Variants in ACE observed in about 807,000 individuals in gnomAD.
The protein encoded by ACE is angiotensin I converting enzyme.
A neutral mutation model predicts 162.3 loss-of-function variants in ACE; 122 were observed. The observed-to-expected ratio is 0.75, with a 90% CI of 0.65 to 0.87. ACE has a LOEUF of 0.87. Among genes scored for constraint, ACE ranks in the 40% least tolerant of loss-of-function variants. The probability of loss-of-function intolerance (pLI) is 0.00; values close to 1 mark genes in which losing one functional copy is unlikely to be tolerated. For synonymous variants in ACE, 796 were observed against 720.6 expected (o/e 1.10, Z -1.68); for missense variants, 1,799 against 1,735.1 (o/e 1.04, Z -0.65).
At chr17:63,495,376 GGGCTGTGGCT>G (rs2030664486) in intron 22 of ACE, among the ~76,000 whole-genome samples, 2 of 152,296 alleles carry the variant, frequency 1.3e-5, no homozygotes, top group Non-Finnish European at 2.9e-5. Context: ...CACCCCCAGA[GGGCTGTGGCT>G]GCCTCTGGCC....
chr17:63,485,297 G>A lies in ACE; in HGVS notation c.1983G>A (p.Gln661=). 1 of 1,614,098 alleles carries A rather than the reference G, an allele frequency of 6.2e-7. No homozygotes were observed. ...KFVEEYDRTS[Q]VVWNEYAEAN... ...TGGAGGAATATGACCGGACATCCCA[G>A]GTGGTGTGGAACGAGTATGCCGAGG... Residue 661 remains glutamine, a synonymous_variant, in exon 13 of 25, where the codon CAG becomes CAA. Coordinates refer to ENST00000290866, the MANE Select transcript of ACE (RefSeq NM_000789.4).
At chr17:63,479,706 T>G in intron 3 of ACE, 63 bp from the exon 4 acceptor site, 1 of 1,603,318 alleles carries the variant, frequency 6.2e-7, no homozygotes. Flanking sequence ...CAGGCTCTGG[T>G]GAAGGCCGTT....
chr17:63,493,743 GC>G, intron 20 of ACE, 84 bp downstream of exon 20: 1 of 1,530,360 alleles, frequency 6.5e-7, no homozygotes, highest in Non-Finnish European at 8.9e-7. Flanking sequence ...GCACTTAGTG[GC>G]CCATGGGCAG....
Position 63,481,194 on chromosome 17 carries a change from C to T in ACE, c.945+6C>T, listed in dbSNP as rs1489402567. The T allele has an allele frequency of 1.2e-6, 2 of 1,610,536 alleles. No individual in the cohort carries two copies. Among genetic ancestry groups the T allele is most frequent in the Non-Finnish European group, 1.7e-6 (2 of 1,178,522 alleles). On this transcript the variant is annotated splice_donor_region_variant and intron_variant, in intron 6 of 24. Coordinates refer to ENST00000290866, the MANE Select transcript of ACE (RefSeq NM_000789.4). Reference sequence around the variant, plus strand: ...CCAGTACTATGCTGCAGCAGGTAAGCTCTGGGCTCAAGCCTGGGGTGGTGG... The same window carrying T: ...CCAGTACTATGCTGCAGCAGGTAAGTTCTGGGCTCAAGCCTGGGGTGGTGG...
At chr17:63,481,543 C>G (rs774156301) in intron 6 of ACE, 23 bp from the exon 7 acceptor site, 18 of 1,612,998 alleles carry the variant, frequency 1.1e-5, no homozygotes, top group African/African-American at 8.0e-5. Flanking sequence ...TCCCCCTGAC[C>G]TGGCTCCACA....
At chr17:63,487,824 G>GC (rs1304177061) in intron 15 of ACE, among the ~76,000 whole-genome samples, 1 of 152,164 alleles carries the variant, frequency 6.6e-6, no homozygotes, top group Non-Finnish European at 1.5e-5. Context: ...CCCCAGCCCA[G>GC]CTCCCACATT....
In ACE at chr17:63,477,313, C is replaced by G; in HGVS notation, c.219C>G (p.Thr73=). The G allele has an allele frequency of 7.1e-7, 1 of 1,407,602 alleles. No individual in the cohort carries two copies. Among genetic ancestry groups the G allele is most frequent in the Non-Finnish European group, 9.3e-7 (1 of 1,071,664 alleles). 87.2% of individuals were successfully genotyped at this position (1,407,602 alleles called of 1,614,324 possible). Residue 73 remains threonine (T), a synonymous_variant, in exon 1 of 25, where the codon ACC becomes ACG. Coordinates refer to ENST00000290866, the MANE Select transcript of ACE (RefSeq NM_000789.4). ...TGGCCGCCAGCTGGGCGCACGACACCAACATCACCGCGGAGAATGCAAGGC... is the reference window on the plus strand; with the variant it reads ...TGGCCGCCAGCTGGGCGCACGACACGAACATCACCGCGGAGAATGCAAGGC... ...QSVAASWAHD[T]NITAENARRQ...
At position 63,486,732 on chromosome 17, in the gene ACE, G is replaced by T. The variant is rs768230597; in HGVS notation, c.2217+17G>T. ...CTGGAGGAGGTGTGTGGCTCGCAAG[G>T]TACAGGGAGAGGGGAATCCTGGGGC... On this transcript the variant is annotated intron_variant, in intron 14 of 24. Coordinates refer to ENST00000290866, the MANE Select transcript of ACE (RefSeq NM_000789.4). 1.3e-5 allele frequency: 21 copies of T among 1,614,150 alleles called. No individual in the cohort carries two copies. The highest frequency in any genetic ancestry group is 1.8e-5 in the Non-Finnish European group (21 of 1,180,028).
rs56051159 is a variant in ACE, at chr17:63,494,252, G to A, written c.3282-120G>A. 8.3e-3 allele frequency: 10,384 copies of A among 1,254,008 alleles called. 72 individuals carry two copies. Among genetic ancestry groups the A allele is most frequent in the Middle Eastern group, 0.01 (55 of 5,250 alleles). 77.7% of individuals were successfully genotyped at this position (1,254,008 alleles called of 1,614,324 possible). A position where few individuals can be genotyped will look rare whatever the true frequency, so the allele number is the denominator to read the frequency against. On this transcript the variant is annotated intron_variant, in intron 21 of 24. Transcript: ENST00000290866. The stretch of plus-strand genomic sequence containing the variant: ...GTGATTGTGCACAGAGGCCCAGCAC[G>A]CAGGAGAATGGGGTGCCCAGTATAG...
Position 63,483,567 on chromosome 17 carries a change from G to GCGGGGCGCCCCCCCCCC in ACE, c.1586+10_1586+11insGGGGCGCCCCCCCCCCC. On this transcript the variant is annotated intron_variant, in intron 10 of 24. Transcript: ENST00000290866. ...GTGACACCATACATCAGGTATTAGC[G>GCGGGGCGCCCCCCCCCC]CCCCCACCCCACCCACCCCCAGTAC... 1 of 1,589,576 alleles carries GCGGGGCGCCCCCCCCCC rather than the reference G, an allele frequency of 6.3e-7. No homozygotes were observed. Among genetic ancestry groups the GCGGGGCGCCCCCCCCCC allele is most frequent in the East Asian group, 2.3e-5 (1 of 44,228 alleles).
intron 19 of ACE, among the ~76,000 whole-genome samples, chr17:63,492,463 T>C (rs781369732): frequency 3.9e-5 from 6 of 152,216 alleles, no homozygotes; most frequent in Non-Finnish European, 7.4e-5. Flanking sequence ...TTCCCTGGGC[T>C]GTGCAGGCCC....
Position 63,488,738 on chromosome 17 carries a change from T to C in ACE, c.2396T>C (p.Leu799Pro), listed in dbSNP as rs2030162361. The C allele has an allele frequency of 1.9e-6, 3 of 1,613,768 alleles. No homozygotes were observed. Among genetic ancestry groups the C allele is most frequent in the East Asian group, 2.2e-5 (1 of 44,788 alleles). The change falls in exon 16 of 25, where the codon CTC becomes CCC. Residue 799 changes from leucine to proline, a missense_variant. By Grantham distance (98) the Leu-to-Pro change is moderately conservative. Coordinates refer to ENST00000290866, the MANE Select transcript of ACE (RefSeq NM_000789.4). ...GWRDKAGRAILQFYPKYVELI... is the reference protein window; with the variant it reads ...GWRDKAGRAIPQFYPKYVELI... ...CGAGACAAGGCGGGGAGAGCCATCC[T>C]CCAGTTTTACCCGAAATACGTGGAA...
intron 1 of ACE, chr17:63,477,622 G>C (rs1447692210): frequency 7.4e-6 from 3 of 403,520 alleles, no homozygotes; most frequent in East Asian, 5.4e-5. Flanking sequence ...CCGCGCTCTC[G>C]GGCAGCTGCC....
In ACE at chr17:63,481,113, G is replaced by A. The variant is rs2147530850; in HGVS notation, c.870G>A (p.Trp290Ter). 1.2e-6 allele frequency: 2 copies of A among 1,614,094 alleles called. No homozygotes were observed. The highest frequency in any genetic ancestry group is 1.7e-6 in the Non-Finnish European group (2 of 1,180,020). ...TAGGAGACATGTGGGCCCAGAGCTG[G>A]GAAAACATCTACGACATGGTGGTGC... is the stretch of plus-strand genomic sequence containing the variant. ...HLLGDMWAQSWENIYDMVVPF... is the reference protein window; with the variant it reads ...HLLGDMWAQS Residue 290 changes from tryptophan (W) to a stop codon, truncating the protein, a stop_gained, in exon 6 of 25, where the codon TGG becomes TGA. Transcript: ENST00000290866. LOFTEE classifies it high-confidence loss of function.
In ACE at chr17:63,477,249, G is replaced by T; in HGVS notation, c.155G>T (p.Ser52Ile). The T allele has an allele frequency of 1.3e-6, 2 of 1,504,398 alleles. No homozygotes were observed. Among genetic ancestry groups the T allele is most frequent in the East Asian group, 2.8e-5 (1 of 35,556 alleles). 93.2% of individuals were successfully genotyped at this position (1,504,398 alleles called of 1,614,324 possible). Residue 52 changes from serine (S) to isoleucine (I), a missense_variant, in exon 1 of 25, where the codon AGC (serine) becomes ATC (isoleucine). Coordinates refer to ENST00000290866, the MANE Select transcript of ACE (RefSeq NM_000789.4). Reference protein sequence around the residue: ...DEAGAQLFAQSYNSSAEQVLF... With the variant: ...DEAGAQLFAQIYNSSAEQVLF... ...GCCGGGGCGCAGCTCTTCGCGCAGA[G>T]CTACAACTCCAGCGCCGAACAGGTG...
At chr17:63,488,380 AAGG>A (rs1415620367) in intron 15 of ACE, among the ~76,000 whole-genome samples, 1 of 130,666 alleles carries the variant, frequency 7.7e-6, no homozygotes, top group Non-Finnish European at 1.7e-5. Context: ...AAAAAAAAAA[AAGG>A]AGAGGAGAGA....
Position 63,497,252 on chromosome 17 carries a change from G to C in ACE, c.3807G>C (p.Leu1269=), listed in dbSNP as rs746513914. The C allele has an allele frequency of 4.4e-6, 7 of 1,575,390 alleles. No individual in the cohort carries two copies. In the South Asian group the frequency reaches 8.1e-5, roughly 18 times the overall value. Residue 1269 remains leucine, a synonymous_variant, in exon 25 of 25, where the codon CTG becomes CTC. Coordinates refer to ENST00000290866, the MANE Select transcript of ACE (RefSeq NM_000789.4). ...TGCTGCTCTTCCTGGGCATCGCCCTGCTGGTAGCCACCCTGGGCCTCAGCC... is the reference window on the plus strand; with the variant it reads ...TGCTGCTCTTCCTGGGCATCGCCCTCCTGGTAGCCACCCTGGGCCTCAGCC... ...QWLLLFLGIA[L]LVATLGLSQR...
rs749271989 is a variant in ACE, at chr17:63,484,512, C to T, written c.1892C>T (p.Pro631Leu). ...LGWPEYQWHPPLPDNYPEGID... is the reference protein window; with the variant it reads ...LGWPEYQWHPLLPDNYPEGID... ...TGGCCCGAGTACCAGTGGCACCCGC[C>T]GTTGCCTGACAACTACCCGGAGGGC... Residue 631 changes from proline (P) to leucine (L), a missense_variant, in exon 12 of 25, where the codon CCG becomes CTG. Coordinates refer to ENST00000290866, the MANE Select transcript of ACE (RefSeq NM_000789.4). The surrounding 1 kb of genome is among the most constrained non-coding windows in gnomAD (Gnocchi z 4.0). 85 of 1,611,774 alleles carry T rather than the reference C, an allele frequency of 5.3e-5. No homozygotes were observed. Among genetic ancestry groups the T allele is most frequent in the Middle Eastern group, 1.8e-4 (1 of 5,470 alleles).
Position 63,497,693 on chromosome 17 carries a change from G to A in ACE, c.*327G>A. On this transcript the variant is annotated 3_prime_UTR_variant, in exon 25 of 25. Coordinates refer to ENST00000290866, the MANE Select transcript of ACE (RefSeq NM_000789.4). ...CTTTCCTGCCTCCTGGCAGTCAAGT[G>A]GGTCCCGTTACTAGGTTTGTTCCTC... The A allele has an allele frequency of 3.6e-6, 2 of 550,388 alleles. No homozygotes were observed. The highest frequency in any genetic ancestry group is 3.3e-5 in the East Asian group (1 of 30,180). 34.1% of individuals were successfully genotyped at this position (550,388 alleles called of 1,614,324 possible).
Sources: allele counts gnomAD v4.1 joint callset (sites outside exome capture counted in the v4.1 genomes callset), GRCh38; gene constraint gnomAD v4.1.1; non-coding constraint Gnocchi (gnomAD v3.1); transcripts MANE v1.5; gene names NCBI Gene and HGNC (gene_info 2026-07-23, HGNC 2026-07-21).